Variants in SIM2 observed in about 807,000 individuals in gnomAD.
The protein encoded by SIM2 is SIM bHLH transcription factor 2, also known as single-minded homolog 2.
In SIM2, 28 loss-of-function variants were observed where a neutral mutation model predicts 64.8. The observed-to-expected ratio is 0.43, with a 90% CI of 0.32 to 0.59. The LOEUF (loss-of-function observed/expected upper bound fraction) is 0.59. Ranked by LOEUF, SIM2 falls within the 20% of genes least tolerant of loss-of-function variation. The probability of loss-of-function intolerance (pLI) is 0.07; values close to 1 mark genes in which losing one functional copy is unlikely to be tolerated. For synonymous variants in SIM2, 408 were observed against 391.1 expected, an observed-to-expected ratio of 1.04 and a Z score of -0.51; for missense variants, 847 against 871.4, an observed-to-expected ratio of 0.97 and a Z score of 0.35.
intron 3 of SIM2, among the ~76,000 whole-genome samples, chr21:36,714,350 A>G (rs1009910819): frequency 2.6e-5 from 4 of 152,238 alleles, no homozygotes; most frequent in African/African-American, 9.6e-5. Context: ...ACTGTTATCA[A>G]ATATTAAATT....
At chr21:36,702,254 G>A (rs550921431) in intron 1 of SIM2, among the ~76,000 whole-genome samples, 1 of 152,316 alleles carries the variant, frequency 6.6e-6, no homozygotes, top group African/African-American at 2.4e-5. Flanking sequence ...GGGAGCAGTT[G>A]AGGGGCTTCC....
At chr21:36,724,630 A>G (rs1011121944) in intron 5 of SIM2, among the ~76,000 whole-genome samples, 3 of 152,212 alleles carry the variant, frequency 2.0e-5, no homozygotes, top group African/African-American at 7.2e-5. Flanking sequence ...CCGCTGTCCA[A>G]TCTTAAGCAA....
At chr21:36,706,498 T>A (rs1235947852) in intron 1 of SIM2, among the ~76,000 whole-genome samples, 3 of 152,222 alleles carry the variant, frequency 2.0e-5, no homozygotes, top group African/African-American at 7.2e-5. Flanking sequence ...CACAGACTCT[T>A]CTCACCCCTT....
chr21:36,699,674 G>A lies in SIM2; in HGVS notation c.-73G>A. 6 of 1,529,266 alleles carry A rather than the reference G, an allele frequency of 3.9e-6. No homozygotes were observed. The highest frequency in any genetic ancestry group is 5.3e-6 in the Non-Finnish European group (6 of 1,135,588). 94.7% of individuals were successfully genotyped at this position (1,529,266 alleles called of 1,614,324 possible). A position where few individuals can be genotyped will look rare whatever the true frequency, so the allele number is the denominator to read the frequency against. On this transcript the variant is annotated 5_prime_UTR_variant, in exon 1 of 11. Coordinates refer to ENST00000290399, the MANE Select transcript of SIM2 (RefSeq NM_005069.6). The surrounding 1 kb of genome is among the most constrained non-coding windows in gnomAD (Gnocchi z 5.6). The stretch of plus-strand genomic sequence containing the variant: ...TCCCGGCTCCCCCTTCCCCATCCCC[G>A]CCGCCGCAGCCCGAGCGGGGCTCCG...
At chr21:36,744,102 C>T (rs889357477) in intron 9 of SIM2, among the ~76,000 whole-genome samples, 4 of 151,872 alleles carry the variant, frequency 2.6e-5, no homozygotes, top group African/African-American at 7.3e-5. Context: ...TACAAAACTT[C>T]GCGCCTGTAG....
intron 10 of SIM2, chr21:36,746,100 G>A: frequency 1.6e-6 from 1 of 613,182 alleles, no homozygotes; most frequent in South Asian, 4.2e-5. Flanking sequence ...CGGATCACCT[G>A]AGGTCAGGAG....
chr21:36,708,228 C>A (rs1427070444), intron 1 of SIM2, among the ~76,000 whole-genome samples: 1 of 152,178 alleles, frequency 6.6e-6, no homozygotes, highest in African/African-American at 2.4e-5. Context: ...TCCCAGCCCG[C>A]GCTAAGCGCC....
At chr21:36,736,308 T>C (rs1047698570) in intron 7 of SIM2, among the ~76,000 whole-genome samples, 4 of 151,854 alleles carry the variant, frequency 2.6e-5, no homozygotes, top group Non-Finnish European at 4.4e-5. Context: ...GGGGCCTCGC[T>C]TTCCCCACAC....
At chr21:36,730,878 C>G (rs962682850) in intron 6 of SIM2, among the ~76,000 whole-genome samples, 167 bp from the exon 7 acceptor site, 3 of 152,196 alleles carry the variant, frequency 2.0e-5, no homozygotes, top group Non-Finnish European at 4.4e-5. Flanking sequence ...GCACCGGGCT[C>G]GAGTTCAAAG....
intron 1 of SIM2, among the ~76,000 whole-genome samples, chr21:36,708,541 A>T (rs1401284453): frequency 6.6e-6 from 1 of 152,186 alleles, no homozygotes; most frequent in Non-Finnish European, 1.5e-5. Context: ...GGGAGCCCCC[A>T]GGTAAACCCC....
rs2089187510 is a variant in SIM2, at chr21:36,743,310, C to T, written c.999-77C>T. On this transcript the variant is annotated intron_variant, in intron 8 of 10. Transcript: ENST00000290399. ...ACACTGGAGCACTGAGAACGCCCTG[C>T]CCAAGGGCTGGGGCCAGGGAAGCTG... 3 of 1,354,752 alleles carry T rather than the reference C, an allele frequency of 2.2e-6. No individual in the cohort carries two copies. In the South Asian group the frequency reaches 4.1e-5, roughly 19 times the overall value. 83.9% of individuals were successfully genotyped at this position (1,354,752 alleles called of 1,614,324 possible). A position where few individuals can be genotyped will look rare whatever the true frequency, so the allele number is the denominator to read the frequency against.
rs760821021 is a variant in SIM2 at position 36,741,769 on chromosome 21, G to C, written c.903G>C (p.Arg301=). 2.5e-6 allele frequency: 4 copies of C among 1,613,074 alleles called. No homozygotes were observed. In the Admixed American group the frequency reaches 6.7e-5, roughly 27 times the overall value. The part of the protein sequence containing the change: ...TTKYYRLLSK[R]GGWVWVQSYA... ...AGTACTACCGGCTGCTGTCCAAGCG[G>C]GGCGGCTGGGTGTGGGTGCAGAGCT... The change falls in exon 8 of 11, where the codon CGG becomes CGC. Residue 301 remains arginine (R), a synonymous_variant. Transcript: ENST00000290399.
intron 1 of SIM2, among the ~76,000 whole-genome samples, chr21:36,703,628 G>A (rs947845601): frequency 1.3e-5 from 2 of 152,220 alleles, no homozygotes; most frequent in Non-Finnish European, 2.9e-5. Flanking sequence ...GTGCTGGGAA[G>A]AGGACAGGAG....
At chr21:36,739,943 G>A (rs1481797574) in intron 7 of SIM2, among the ~76,000 whole-genome samples, 2 of 144,494 alleles carry the variant, frequency 1.4e-5, no homozygotes, top group Non-Finnish European at 3.0e-5. Flanking sequence ...ACTCCAGCCT[G>A]AGCAACACAG....
intron 1 of SIM2, among the ~76,000 whole-genome samples, chr21:36,708,780 G>A (rs2088627354): frequency 6.6e-6 from 1 of 152,236 alleles, no homozygotes; most frequent in South Asian, 2.1e-4. Flanking sequence ...GGGAATATTT[G>A]CGGGTCAAAT....
At chr21:36,712,668 T>C (rs2088693283) in intron 3 of SIM2, 46 bp downstream of exon 3, 2 of 1,321,334 alleles carry the variant, frequency 1.5e-6, no homozygotes, top group Admixed American at 1.8e-5. Context: ...TTAAACGAAG[T>C]GACAGCAGAT....
At position 36,726,318 on chromosome 21, in the gene SIM2, G is replaced by T; in HGVS notation, c.743G>T (p.Arg248Met). The T allele has an allele frequency of 6.2e-7, 1 of 1,610,252 alleles. No individual in the cohort carries two copies. The highest frequency in any genetic ancestry group is 8.5e-7 in the Non-Finnish European group (1 of 1,178,676). The part of the protein sequence containing the change: ...LDLKLIFLDS[R>M]VTEVTGYEPQ... ...CTGAAGCTGATATTCCTGGATTCCA[G>T]GTGAGTTCGGCACCTGCCACAGTGG... The change falls in exon 6 of 11, where the codon AGG becomes ATG. Residue 248 changes from arginine to methionine, a missense_variant and splice_region_variant. Around this residue, in one of 3 missense-constraint regions of SIM2, gnomAD observed 397 missense variants for 439.2 expected, o/e 0.90. Transcript: ENST00000290399. The surrounding 1 kb of genome is among the most constrained non-coding windows in gnomAD (Gnocchi z 4.5).
chr21:36,733,107 T>C (rs549407049), intron 7 of SIM2, among the ~76,000 whole-genome samples: 129 of 152,288 alleles, frequency 8.5e-4, no homozygotes, highest in African/African-American at 2.8e-3. Flanking sequence ...GGCAGGAGAA[T>C]GCTGGGGAGT....
At position 36,723,098 on chromosome 21, in the gene SIM2, A is replaced by G; in HGVS notation, c.511A>G (p.Arg171Gly). Residue 171 changes from arginine (R) to glycine (G), a missense_variant, in exon 5 of 11, where the codon AGG becomes GGG. Transcript: ENST00000290399. Reference protein sequence around the residue: ...FLRMKCVLAKRNAGLTCSGYK... With the variant: ...FLRMKCVLAKGNAGLTCSGYK... Reference sequence around the variant, plus strand: ...TCGAATGAAATGTGTCTTGGCGAAAAGGAACGCGGGCCTGACCTGCAGCGG... The same window carrying G: ...TCGAATGAAATGTGTCTTGGCGAAAGGGAACGCGGGCCTGACCTGCAGCGG... 4 of 1,614,178 alleles carry G rather than the reference A, an allele frequency of 2.5e-6. No homozygotes were observed. The highest frequency in any genetic ancestry group is 2.5e-6 in the Non-Finnish European group (3 of 1,180,030).
Sources: allele counts gnomAD v4.1 joint callset (sites outside exome capture counted in the v4.1 genomes callset), GRCh38; gene constraint gnomAD v4.1.1; regional missense constraint gnomAD v4.1.1; non-coding constraint Gnocchi (gnomAD v3.1); transcripts MANE v1.5; gene names NCBI Gene and HGNC (gene_info 2026-07-23, HGNC 2026-07-21).